TOGARAM1: variants seen among roughly 807,000 people sequenced by gnomAD.
TOGARAM1 encodes the protein TOG array regulator of axonemal microtubules 1, also known as TOG array regulator of axonemal microtubules protein 1.
A neutral mutation model predicts 166.6 loss-of-function variants in TOGARAM1; 100 were observed. That is an observed-to-expected ratio of 0.60 (90% CI 0.51 to 0.71). TOGARAM1 has a LOEUF of 0.71. Ranked by LOEUF, TOGARAM1 falls within the 30% of genes least tolerant of loss-of-function variation. TOGARAM1 has a pLI of 0.00. For missense variants in TOGARAM1, 2,029 were observed against 2,102.7 expected (o/e 0.96, Z 0.69); for synonymous variants, 758 against 763.8 (o/e 0.99, Z 0.13).
At chr14:44,978,749 A>T (rs1197676439) in intron 1 of TOGARAM1, among the ~76,000 whole-genome samples, 1 of 151,944 alleles carries the variant, frequency 6.6e-6, no homozygotes, top group South Asian at 2.1e-4. Context: ...ATAAGCTGAG[A>T]TCATAGTGTC....
chr14:44,991,164 C>T (rs1006246820), intron 1 of TOGARAM1, among the ~76,000 whole-genome samples: 5 of 151,620 alleles, frequency 3.3e-5, no homozygotes, highest in African/African-American at 1.2e-4. Context: ...TGCCATGTTG[C>T]CCAGGCTGGT....
At chr14:45,011,740 A>C (rs1255341733) in intron 6 of TOGARAM1, 1 of 377,424 alleles carries the variant, frequency 2.6e-6, no homozygotes, top group Non-Finnish European at 4.8e-6. Context: ...CATATGTTAA[A>C]AAGGTTGGTA....
intron 11 of TOGARAM1, among the ~76,000 whole-genome samples, chr14:45,039,107 C>T (rs1400592276): frequency 6.6e-6 from 1 of 151,858 alleles, no homozygotes; most frequent in Non-Finnish European, 1.5e-5. Flanking sequence ...TCTCTGCAGC[C>T]CTCAGCGGAG....
intron 17 of TOGARAM1, among the ~76,000 whole-genome samples, chr14:45,067,483 T>C (rs969285141): frequency 1.2e-4 from 19 of 152,152 alleles, no homozygotes; most frequent in Non-Finnish European, 2.4e-4. Context: ...TTAATAAATA[T>C]TCATCATGTC....
chr14:45,033,956 C>A (rs1284696598), intron 11 of TOGARAM1, among the ~76,000 whole-genome samples: 1 of 152,106 alleles, frequency 6.6e-6, no homozygotes. Flanking sequence ...GAGTTCGAGA[C>A]CAGCCTGGCC....
chr14:45,025,944 T>C (rs965150238), intron 8 of TOGARAM1, 72 bp downstream of exon 8: 8 of 736,854 alleles, frequency 1.1e-5, no homozygotes, highest in Non-Finnish European at 1.8e-5. Context: ...CAATAAGGAA[T>C]AGAAAAGAAT....
intron 3 of TOGARAM1, among the ~76,000 whole-genome samples, chr14:45,002,968 G>T (rs1032914540): frequency 6.6e-6 from 1 of 151,888 alleles, no homozygotes; most frequent in African/African-American, 2.4e-5. Context: ...GACAGAGCGA[G>T]ACTCCATCTC....
chr14:45,063,479 G>GTTTTTT lies in TOGARAM1; in HGVS notation c.4560-3082_4560-3077dup, dbSNP rs373702236. Reference sequence around the variant, plus strand: ...ATAAACTAGTATCTCATTTGACAAAGTTTTTTTTTTTTTTTTTTTTTTGGA... The same window carrying GTTTTTT: ...ATAAACTAGTATCTCATTTGACAAAGTTTTTTTTTTTTTTTTTTTTTTTTTTTTGGA... On this transcript the variant is annotated intron_variant, in intron 16 of 19. Transcript: ENST00000361462. Among the ~76,000 whole-genome samples, 997 of 118,634 alleles carry GTTTTTT rather than the reference G, an allele frequency of 8.4e-3. 46 individuals carry two copies. Among genetic ancestry groups the GTTTTTT allele is most frequent in the African/African-American group, 0.034 (943 of 27,656 alleles). The allele number at this position is 118,634 out of a possible 152,430, so 77.8% of individuals were successfully genotyped here. A position where few individuals can be genotyped will look rare whatever the true frequency, so the allele number is the denominator to read the frequency against.
chr14:45,006,920 A>AAATGTTT (rs1879475347), intron 5 of TOGARAM1: 1 of 152,262 alleles, frequency 6.6e-6, no homozygotes, highest in South Asian at 2.1e-4. Context: ...ATCCTAGATC[A>AAATGTTT]CTTTGTGCTA....
intron 3 of TOGARAM1, among the ~76,000 whole-genome samples, chr14:45,002,978 C>CA (rs986239448): frequency 1.4e-4 from 20 of 148,098 alleles, no homozygotes; most frequent in African/African-American, 2.0e-4. Flanking sequence ...GACTCCATCT[C>CA]AAAAAAAAAT....
chr14:45,068,910 T>A (rs575108077), intron 18 of TOGARAM1, among the ~76,000 whole-genome samples: 45 of 151,658 alleles, frequency 3.0e-4, no homozygotes, highest in South Asian at 1.5e-3. Flanking sequence ...ACTAACTCAA[T>A]ACTTCGGCAT....
At chr14:45,020,935 C>T (rs1291180521) in intron 7 of TOGARAM1, among the ~76,000 whole-genome samples, 1 of 152,112 alleles carries the variant, frequency 6.6e-6, no homozygotes, top group Non-Finnish European at 1.5e-5. Context: ...GGGGGAGGCA[C>T]ATTCAACAGT....
At chr14:45,046,425 G>A in intron 13 of TOGARAM1, 120 bp from the exon 14 acceptor site, 1 of 785,104 alleles carries the variant, frequency 1.3e-6, no homozygotes, top group Non-Finnish European at 1.7e-6. Context: ...GACAGAGCAA[G>A]ACCCTGTCCC....
In TOGARAM1 at chr14:45,068,542, A is replaced by G; in HGVS notation, c.4868A>G (p.Asn1623Ser). ...AGAGACCACTTATCTCCTATAATCAACATGCTAATTCCAGCAATAGTGGAT... is the reference window on the plus strand; with the variant it reads ...AGAGACCACTTATCTCCTATAATCAGCATGCTAATTCCAGCAATAGTGGAT... ...LLRDHLSPII[N>S]MLIPAIVDNN... Residue 1623 changes from asparagine to serine, a missense_variant, in exon 18 of 20, where the codon AAC (asparagine) becomes AGC (serine). Asn to Ser is a conservative substitution (Grantham distance 46). Around this residue, in one of 2 missense-constraint regions of TOGARAM1, gnomAD observed 576 missense variants for 670.5 expected, o/e 0.86. Coordinates refer to ENST00000361462, the MANE Select transcript of TOGARAM1 (RefSeq NM_001308120.2). 1 of 1,613,494 alleles carries G rather than the reference A, an allele frequency of 6.2e-7. No individual in the cohort carries two copies. Among genetic ancestry groups the G allele is most frequent in the Non-Finnish European group, 8.5e-7 (1 of 1,179,694 alleles).
chr14:45,042,579 A>G (rs2138946210), intron 11 of TOGARAM1, among the ~76,000 whole-genome samples: 1 of 152,290 alleles, frequency 6.6e-6, no homozygotes, highest in East Asian at 1.9e-4. Context: ...TCTATATTAT[A>G]ATTGTATAAG....
At chr14:45,056,698 C>A (rs1353667356) in intron 16 of TOGARAM1, among the ~76,000 whole-genome samples, 1 of 152,040 alleles carries the variant, frequency 6.6e-6, no homozygotes, top group Non-Finnish European at 1.5e-5. Flanking sequence ...ACCATCCTTG[C>A]ATCCCTGGTA....
At chr14:45,030,296 CTCTT>C (rs1881086565) in intron 10 of TOGARAM1, among the ~76,000 whole-genome samples, 1 of 152,110 alleles carries the variant, frequency 6.6e-6, no homozygotes, top group Admixed American at 6.5e-5. Context: ...TTATCTATAT[CTCTT>C]TCTAATGAGT....
chr14:44,969,303 C>T lies in TOGARAM1; in HGVS notation c.2046+4836C>T, dbSNP rs111574159. ...AGTAGCTGAGACTACAGGCCCACAC[C>T]ATCATGCCCGGCTAATTTTTTGTAT... On this transcript the variant is annotated intron_variant, in intron 1 of 19. Transcript: ENST00000361462. Among the ~76,000 whole-genome samples the T allele has an allele frequency of 3.2e-3, 492 of 151,964 alleles. 5 individuals are homozygous for T. The highest frequency in any genetic ancestry group is 0.011 in the African/African-American group (467 of 41,400).
At chr14:45,018,317 GCAAC>G (rs1252595341) in intron 7 of TOGARAM1, among the ~76,000 whole-genome samples, 8 of 152,060 alleles carry the variant, frequency 5.3e-5, no homozygotes, top group African/African-American at 1.9e-4. Flanking sequence ...TTGGCTCACT[GCAAC>G]CTCCACCTCA....
Sources: allele counts gnomAD v4.1 joint callset (sites outside exome capture counted in the v4.1 genomes callset), GRCh38; gene constraint gnomAD v4.1.1; regional missense constraint gnomAD v4.1.1; transcripts MANE v1.5; gene names NCBI Gene and HGNC (gene_info 2026-07-23, HGNC 2026-07-21).